Variants in MAP1LC3A observed in about 807,000 individuals in gnomAD.
MAP1LC3A encodes the protein microtubule-associated protein 1 light chain 3 alpha.
Under a neutral mutation model 15.2 loss-of-function variants are expected in MAP1LC3A, and 10 were observed. The observed-to-expected ratio is 0.66, with a 90% CI of 0.41 to 1.12. The LOEUF (loss-of-function observed/expected upper bound fraction) is 1.12. Among genes scored for constraint, MAP1LC3A ranks in the 50% most tolerant of loss-of-function variants. The pLI, the probability that MAP1LC3A is intolerant of heterozygous loss-of-function variation, is 0.00. For missense variants in MAP1LC3A, 138 were observed against 167.3 expected (o/e 0.82, Z 0.97); for synonymous variants, 63 against 64.3 (o/e 0.98, Z 0.10).
chr20:34,559,669 G>A, intron 3 of MAP1LC3A, 67 bp from the exon 4 acceptor site: 1 of 1,494,674 alleles, frequency 6.7e-7, no homozygotes, highest in African/African-American at 1.4e-5. Context: ...AATCATTCTG[G>A]GGGTCAGGGC....
intron 1 of MAP1LC3A, among the ~76,000 whole-genome samples, chr20:34,547,585 A>C (rs1981786468): frequency 6.6e-6 from 1 of 151,776 alleles, no homozygotes; most frequent in Non-Finnish European, 1.5e-5. Flanking sequence ...CGGTTCCCCC[A>C]TGCTCTTCCC....
At position 34,560,108 on chromosome 20, in the gene MAP1LC3A, TGGGATGGGGG is replaced by T. The variant is rs1473858327; in HGVS notation, c.*211_*220del. 2 of 358,910 alleles carry T rather than the reference TGGGATGGGGG, an allele frequency of 5.6e-6. No homozygotes were observed. The highest frequency in any genetic ancestry group is 4.4e-5 in the African/African-American group (2 of 45,564). The allele number at this position is 358,910 out of a possible 1,614,324, so 22.2% of individuals were successfully genotyped here. On this transcript the variant is annotated 3_prime_UTR_variant, in exon 4 of 4. Transcript: ENST00000360668. The stretch of plus-strand genomic sequence containing the variant: ...GGTTGTCCCTCTGGGTGCTGGCTGG[TGGGATGGGGG>T]AGGGTGGGGAGCAGCTCCCAGCACC...
Position 34,559,417 on chromosome 20 carries a change from A to C in MAP1LC3A, c.167A>C (p.Asp56Ala). 6.2e-7 allele frequency: 1 copy of C among 1,611,472 alleles called. No individual in the cohort carries two copies. The highest frequency in any genetic ancestry group is 8.5e-7 in the Non-Finnish European group (1 of 1,178,898). ...GACAAGACCAAGTTTTTGGTCCCGG[A>C]CCATGTCAACATGAGCGAGTTGGTC... ...VLDKTKFLVPDHVNMSELVKI... is the reference protein window; with the variant it reads ...VLDKTKFLVPAHVNMSELVKI... Residue 56 changes from aspartate to alanine, a missense_variant, in exon 3 of 4, where the codon GAC (aspartate) becomes GCC (alanine). Asp to Ala is a moderately radical substitution (Grantham distance 126). Transcript: ENST00000360668.
intron 3 of MAP1LC3A, 29 bp downstream of exon 3, chr20:34,559,482 G>A: frequency 6.3e-7 from 1 of 1,592,072 alleles, no homozygotes; most frequent in Non-Finnish European, 8.6e-7. Flanking sequence ...CCAGGAGGTG[G>A]CTAGGGTCGG....
rs1441024536 is a variant in MAP1LC3A at position 34,559,105 on chromosome 20, TGGGGGCTGGAGCTGGGGCGTGGCC to T, written c.41-96_41-73del. On this transcript the variant is annotated intron_variant, in intron 1 of 3. Coordinates refer to ENST00000360668, the MANE Select transcript of MAP1LC3A (RefSeq NM_032514.4). Reference sequence around the variant, plus strand: ...CTGTGGGGCCTGATGGCCCCGGGGGTGGGGGCTGGAGCTGGGGCGTGGCCGGGGGCCGCCCCTCCGGGACAGGCG... The same window carrying T: ...CTGTGGGGCCTGATGGCCCCGGGGGTGGGGGCCGCCCCTCCGGGACAGGCG... The T allele has an allele frequency of 1.9e-5, 25 of 1,340,792 alleles. No individual in the cohort carries two copies. The Middle Eastern group carries it at 1.1e-3, about 59-fold the overall frequency. 83.1% of individuals were successfully genotyped at this position (1,340,792 alleles called of 1,614,324 possible). A position where few individuals can be genotyped will look rare whatever the true frequency, so the allele number is the denominator to read the frequency against.
upstream of MAP1LC3A, chr20:34,558,104 C>G (rs1269574406): frequency 1.0e-6 from 1 of 985,476 alleles, no homozygotes; most frequent in East Asian, 1.1e-4. The surrounding 1 kb of genome is among the most constrained non-coding windows in gnomAD (Gnocchi z 4.3). Context: ...GTGCCCTTTT[C>G]CTTATTCCCC....
At chr20:34,547,550 G>C (rs1222056658) in intron 1 of MAP1LC3A, among the ~76,000 whole-genome samples, 1 of 151,734 alleles carries the variant, frequency 6.6e-6, no homozygotes. Context: ...GGAGAGCCCA[G>C]GTGGAGGTGA....
chr20:34,550,236 A>G (rs1182545300), intron 2 of MAP1LC3A, among the ~76,000 whole-genome samples: 1 of 151,206 alleles, frequency 6.6e-6, no homozygotes, highest in Non-Finnish European at 1.5e-5. Flanking sequence ...AGAGCAGTCG[A>G]GGGTGCGCTT....
intron 1 of MAP1LC3A, among the ~76,000 whole-genome samples, chr20:34,547,529 C>G (rs1296230289): frequency 6.6e-6 from 1 of 151,354 alleles, no homozygotes; most frequent in Non-Finnish European, 1.5e-5. Context: ...CCATAATCCC[C>G]AGGTGTCAAG....
chr20:34,549,858 C>CTCCTGCG (rs1273428081), intron 1 of MAP1LC3A: 2 of 791,608 alleles, frequency 2.5e-6, no homozygotes, highest in Non-Finnish European at 4.3e-6. Flanking sequence ...GAGTCAGTCC[C>CTCCTGCG]TCCTGCCTCC....
chr20:34,558,590 G>T, upstream of MAP1LC3A: 1 of 1,199,352 alleles, frequency 8.3e-7, no homozygotes, highest in Non-Finnish European at 1.0e-6. This position sits in a 1 kb window ranked among gnomAD's most constrained non-coding sequence, Gnocchi z 4.3. Context: ...CGCCCCTCGC[G>T]TCCCGGTCCG....
chr20:34,556,188 A>G (rs1472166397), upstream of MAP1LC3A, among the ~76,000 whole-genome samples: 1 of 152,240 alleles, frequency 6.6e-6, no homozygotes, highest in Non-Finnish European at 1.5e-5. Flanking sequence ...TTTGAACTAA[A>G]TAATTTTTAT....
intron 2 of MAP1LC3A, among the ~76,000 whole-genome samples, chr20:34,550,234 C>T (rs574017526): frequency 6.6e-5 from 10 of 152,146 alleles, no homozygotes; most frequent in Admixed American, 3.9e-4. Flanking sequence ...GCAGAGCAGT[C>T]GAGGGTGCGC....
chr20:34,558,210 G>C (rs1033347771), upstream of MAP1LC3A: 6 of 977,852 alleles, frequency 6.1e-6, no homozygotes, highest in Admixed American at 3.7e-4. The surrounding 1 kb of genome is among the most constrained non-coding windows in gnomAD (Gnocchi z 4.3). Context: ...CATCCTCTGA[G>C]ACCTGAATTT....
chr20:34,558,875 T>C lies in MAP1LC3A; in HGVS notation c.7T>C (p.Ser3Pro). Residue 3 changes from serine to proline, a missense_variant, in exon 1 of 4, where the codon TCA (serine) becomes CCA (proline). Physicochemically the swap from Ser to Pro is moderately conservative, Grantham distance 74. Coordinates refer to ENST00000360668, the MANE Select transcript of MAP1LC3A (RefSeq NM_032514.4). The surrounding 1 kb of genome is among the most constrained non-coding windows in gnomAD (Gnocchi z 4.3). Reference sequence around the variant, plus strand: ...GCCCAGCCGGGCCCGCGCGATGCCCTCAGACCGGCCTTTCAAGCAGCGGCG... The same window carrying C: ...GCCCAGCCGGGCCCGCGCGATGCCCCCAGACCGGCCTTTCAAGCAGCGGCG... MP[S>P]DRPFKQRRSF... 7.0e-7 allele frequency: 1 copy of C among 1,435,708 alleles called. No homozygotes were observed. The highest frequency in any genetic ancestry group is 9.1e-7 in the Non-Finnish European group (1 of 1,099,406). The allele number at this position is 1,435,708 out of a possible 1,614,324, so 88.9% of individuals were successfully genotyped here.
intron 1 of MAP1LC3A, among the ~76,000 whole-genome samples, chr20:34,547,710 G>A (rs142525326): frequency 1.7e-3 from 265 of 152,252 alleles, no homozygotes; most frequent in African/African-American, 6.0e-3. Flanking sequence ...AGGATTGTGA[G>A]TTTCCTGAGG....
intron 1 of MAP1LC3A, chr20:34,549,836 C>T: frequency 1.5e-6 from 1 of 669,752 alleles, no homozygotes; most frequent in Non-Finnish European, 2.7e-6. Flanking sequence ...AGCCAGTCTT[C>T]AATCTCGTCC....
At position 34,559,724 on chromosome 20, in the gene MAP1LC3A, C is replaced by T. The variant is rs753598487; in HGVS notation, c.204-12C>T. 6.9e-6 allele frequency: 11 copies of T among 1,595,294 alleles called. No individual in the cohort carries two copies. The highest frequency in any genetic ancestry group is 1.4e-5 in the African/African-American group (1 of 73,724). ...AGCCCCTCACAGCTGCATACTCTCCCGCCGGCTGCAGGCGCCGCCTGCAGC... is the reference window on the plus strand; with the variant it reads ...AGCCCCTCACAGCTGCATACTCTCCTGCCGGCTGCAGGCGCCGCCTGCAGC... On this transcript the variant is annotated splice_polypyrimidine_tract_variant and intron_variant, in intron 3 of 3. Coordinates refer to ENST00000360668, the MANE Select transcript of MAP1LC3A (RefSeq NM_032514.4).
Position 34,559,371 on chromosome 20 carries a change from G to C in MAP1LC3A, c.121G>C (p.Glu41Gln). The change falls in exon 3 of 4, where the codon GAG becomes CAG. Residue 41 changes from glutamate (E) to glutamine (Q), a missense_variant. By Grantham distance (29) the Glu-to-Gln change is conservative. Transcript: ENST00000360668. ...IPVIIERYKG[E>Q]KQLPVLDKTK... ...GGTGATCATCGAGCGCTACAAGGGTGAGAAGCAGCTGCCCGTCCTGGACAA... is the reference window on the plus strand; with the variant it reads ...GGTGATCATCGAGCGCTACAAGGGTCAGAAGCAGCTGCCCGTCCTGGACAA... The C allele has an allele frequency of 6.2e-7, 1 of 1,613,102 alleles. No homozygotes were observed. Among genetic ancestry groups the C allele is most frequent in the Non-Finnish European group, 8.5e-7 (1 of 1,179,662 alleles).
Sources: gnomAD v4.1 joint callset for allele counts (sites outside exome capture counted in the v4.1 genomes callset) on GRCh38, gnomAD v4.1.1 for gene constraint, Gnocchi (gnomAD v3.1) non-coding constraint, MANE v1.5 for transcripts, NCBI Gene and HGNC (gene_info 2026-07-23, HGNC 2026-07-21) for gene names.